SLC9C1: variants seen among roughly 807,000 people sequenced by gnomAD.
SLC9C1 encodes the protein sodium/hydrogen exchanger 10.
A neutral mutation model predicts 140.9 loss-of-function variants in SLC9C1; 97 were observed. The observed-to-expected ratio is 0.69, with a 90% confidence interval of 0.58 to 0.82. The LOEUF (loss-of-function observed/expected upper bound fraction) is 0.82. Ranked by LOEUF, SLC9C1 falls within the 40% of genes least tolerant of loss-of-function variation. The pLI, the probability that SLC9C1 is intolerant of heterozygous loss-of-function variation, is 0.00. For missense variants in SLC9C1, 1,340 were observed against 1,389.3 expected, an observed-to-expected ratio of 0.96 and a Z score of 0.56; for synonymous variants, 440 against 442.6, an observed-to-expected ratio of 0.99 and a Z score of 0.07.
At chr3:112,166,245 C>T (rs2107908583) in intron 26 of SLC9C1, among the ~76,000 whole-genome samples, 1 of 152,372 alleles carries the variant, frequency 6.6e-6, no homozygotes, top group South Asian at 2.1e-4. Flanking sequence ...TGCCCTGCTT[C>T]AGCTCACACT....
chr3:112,155,555 G>A (rs1175544445), intron 26 of SLC9C1, among the ~76,000 whole-genome samples: 4 of 152,132 alleles, frequency 2.6e-5, no homozygotes, highest in Admixed American at 1.3e-4. Context: ...AGTGATGGCT[G>A]CTTGGAGAAA....
chr3:112,286,492 C>A (rs557176088), intron 2 of SLC9C1, among the ~76,000 whole-genome samples: 1 of 152,222 alleles, frequency 6.6e-6, no homozygotes, highest in African/African-American at 2.4e-5. Context: ...ACTTTGAACC[C>A]AATAGGATGA....
intron 13 of SLC9C1, among the ~76,000 whole-genome samples, chr3:112,223,910 A>G (rs2078608943): frequency 6.6e-6 from 1 of 152,204 alleles, no homozygotes; most frequent in Non-Finnish European, 1.5e-5. Context: ...AACTATACTA[A>G]AAAGCAAAAT....
chr3:112,187,874 T>C (rs1436924517), intron 20 of SLC9C1, among the ~76,000 whole-genome samples: 1 of 152,086 alleles, frequency 6.6e-6, no homozygotes, highest in African/African-American at 2.4e-5. Context: ...CCATCTTATA[T>C]ATACAAAATC....
intron 7 of SLC9C1, among the ~76,000 whole-genome samples, chr3:112,267,575 CAA>C (rs71933510): frequency 2.6e-3 from 146 of 56,832 alleles, no homozygotes; most frequent in African/African-American, 5.5e-3. Flanking sequence ...GACTCCGTCT[CAA>C]AAAAAAAAAA....
chr3:112,203,414 G>A (rs576734378), intron 17 of SLC9C1, among the ~76,000 whole-genome samples: 1 of 151,976 alleles, frequency 6.6e-6, no homozygotes, highest in East Asian at 1.9e-4. Flanking sequence ...TTAGAATACC[G>A]AAAAAGCAGA....
At chr3:112,144,754 T>C (rs886577576) in intron 28 of SLC9C1, among the ~76,000 whole-genome samples, 1 of 152,126 alleles carries the variant, frequency 6.6e-6, no homozygotes, top group African/African-American at 2.4e-5. Context: ...GCTTGAACAT[T>C]GGTGTATGGA....
chr3:112,284,857 A>C (rs1041580303), intron 2 of SLC9C1, among the ~76,000 whole-genome samples: 1 of 152,108 alleles, frequency 6.6e-6, no homozygotes, highest in African/African-American at 2.4e-5. Context: ...TAAAATTATA[A>C]AGAAATGTTT....
chr3:112,265,615 T>C (rs1467119800), intron 8 of SLC9C1, among the ~76,000 whole-genome samples: 2 of 152,160 alleles, frequency 1.3e-5, no homozygotes, highest in Admixed American at 6.5e-5. Context: ...ACCCTATGTA[T>C]TGAAGCATTA....
At chr3:112,215,787 A>G (rs949937365) in intron 15 of SLC9C1, among the ~76,000 whole-genome samples, 1 of 152,232 alleles carries the variant, frequency 6.6e-6, no homozygotes, top group African/African-American at 2.4e-5. Flanking sequence ...TGCCCAAGGT[A>G]ATTTATAGAT....
In SLC9C1 at chr3:112,146,889, G is replaced by A. The variant is rs139896331; in HGVS notation, c.3524+4968C>T. On this transcript the variant is annotated intron_variant, in intron 28 of 28. Coordinates refer to ENST00000305815, the MANE Select transcript of SLC9C1 (RefSeq NM_183061.3). ...TGTCTCAATCTGTCTAATACTATCA[G>A]TGGGGAGTTAAAGTCCCTCACTAGT... Among the ~76,000 whole-genome samples, 7 of 152,244 alleles carry A rather than the reference G, an allele frequency of 4.6e-5. No homozygotes were observed. The East Asian group carries it at 1.3e-3, about 29-fold the overall frequency.
At chr3:112,210,156 GC>G (rs2078163137) in intron 15 of SLC9C1, among the ~76,000 whole-genome samples, 1 of 152,146 alleles carries the variant, frequency 6.6e-6, no homozygotes, top group South Asian at 2.1e-4. Context: ...CTGCAATTTT[GC>G]CCCTGGGATA....
At chr3:112,202,175 G>T in intron 18 of SLC9C1, 75 bp downstream of exon 18, 1 of 1,530,108 alleles carries the variant, frequency 6.5e-7, no homozygotes, top group East Asian at 2.3e-5. Flanking sequence ...CTGCATATAT[G>T]AACAGAAAAA....
At chr3:112,180,694 A>AATT in intron 21 of SLC9C1, 32 bp from the exon 22 acceptor site, 1 of 1,524,290 alleles carries the variant, frequency 6.6e-7, no homozygotes, top group African/African-American at 1.4e-5. Context: ...ATAAACTATA[A>AATT]ACAACATTTT....
chr3:112,150,158 G>A (rs1366268092), intron 28 of SLC9C1, among the ~76,000 whole-genome samples: 2 of 152,140 alleles, frequency 1.3e-5, no homozygotes, highest in Non-Finnish European at 2.9e-5. Flanking sequence ...CCAGAACAGG[G>A]TGTTCAATCT....
intron 10 of SLC9C1, among the ~76,000 whole-genome samples, chr3:112,246,122 G>T (rs1187759581): frequency 1.3e-5 from 2 of 151,990 alleles, no homozygotes; most frequent in Non-Finnish European, 2.9e-5. Flanking sequence ...CTGTTTCTGG[G>T]TTTATTTCCT....
intron 28 of SLC9C1, among the ~76,000 whole-genome samples, chr3:112,144,282 A>G (rs2074719838): frequency 6.7e-6 from 1 of 148,842 alleles, no homozygotes; most frequent in South Asian, 2.1e-4. Context: ...GGTTCAAGCA[A>G]TTCTCCTGCC....
intron 15 of SLC9C1, among the ~76,000 whole-genome samples, chr3:112,214,749 G>A (rs1416185107): frequency 1.3e-5 from 2 of 152,196 alleles, no homozygotes; most frequent in Admixed American, 6.5e-5. Context: ...TCCAGGACCA[G>A]ATGGATTCAC....
chr3:112,193,564 A>C (rs1400610217), intron 20 of SLC9C1, among the ~76,000 whole-genome samples: 1 of 151,990 alleles, frequency 6.6e-6, no homozygotes, highest in Non-Finnish European at 1.5e-5. Context: ...GCTTAGGAAT[A>C]TGTCTGCTGG....
Sources: allele counts gnomAD v4.1 joint callset (sites outside exome capture counted in the v4.1 genomes callset), GRCh38; gene constraint gnomAD v4.1.1; transcripts MANE v1.5; gene names NCBI Gene and HGNC (gene_info 2026-07-23, HGNC 2026-07-21).